R3HDML: variants seen among roughly 807,000 people sequenced by gnomAD.
R3HDML encodes the protein peptidase inhibitor R3HDML.
A neutral mutation model predicts 24.2 loss-of-function variants in R3HDML; 21 were observed. That is an observed-to-expected ratio of 0.87 (90% CI 0.62 to 1.25). The LOEUF is 1.25. Ranked by LOEUF, R3HDML falls within the 50% of genes most tolerant of loss-of-function variation. The pLI, the probability that R3HDML is intolerant of heterozygous loss-of-function variation, is 0.00. For synonymous variants in R3HDML, 133 were observed against 131.5 expected (o/e 1.01, Z -0.08); for missense variants, 301 against 340.3 (o/e 0.88, Z 0.91).
rs1568674746 is a variant in R3HDML at position 44,337,077 on chromosome 20, G to C, written c.-81G>C. On this transcript the variant is annotated 5_prime_UTR_variant, in exon 1 of 5. Transcript: ENST00000217043. The surrounding 1 kb of genome is among the most constrained non-coding windows in gnomAD (Gnocchi z 4.7). ...GTCGGCACTGTTGGAGAACGCTCAG[G>C]GTCTGGTGCTCTCGTGCCTGCCCCT... The C allele has an allele frequency of 6.6e-7, 1 of 1,514,450 alleles. No individual in the cohort carries two copies. The highest frequency in any genetic ancestry group is 8.9e-7 in the Non-Finnish European group (1 of 1,125,518). The allele number at this position is 1,514,450 out of a possible 1,614,324, so 93.8% of individuals were successfully genotyped here.
chr20:44,349,022 G>A (rs764188158), intron 4 of R3HDML, among the ~76,000 whole-genome samples: 5 of 151,982 alleles, frequency 3.3e-5, no homozygotes, highest in African/African-American at 1.2e-4. Flanking sequence ...ATGGAGGTGC[G>A]TCCCTGAGGC....
In R3HDML at chr20:44,350,676, G is replaced by A. The variant is rs746791288; in HGVS notation, c.646G>A (p.Glu216Lys). 27 of 1,613,436 alleles carry A rather than the reference G, an allele frequency of 1.7e-5. 1 individual carries two copies. The highest frequency in any genetic ancestry group is 1.3e-4 in the Admixed American group (8 of 59,836). ...CTCTTCCAGGGGCAACTGGATTGGC[G>A]AGTCCCCGTACAAGATGGGAAAGCC... is the stretch of plus-strand genomic sequence containing the variant. ...NYAIKGNWIG[E>K]SPYKMGKPCS... is the part of the protein sequence containing the mutation. The change falls in exon 5 of 5, where the codon GAG (glutamate) becomes AAG (lysine). Residue 216 changes from glutamate to lysine, a missense_variant. Glu to Lys is a moderately conservative substitution (Grantham distance 56). Coordinates refer to ENST00000217043, the MANE Select transcript of R3HDML (RefSeq NM_178491.4).
intron 4 of R3HDML, chr20:44,347,642 C>G (rs140301522): frequency 6.6e-5 from 10 of 152,156 alleles, no homozygotes; most frequent in African/African-American, 2.4e-4. Flanking sequence ...AGGGGGGAAC[C>G]CTAGGAGGAC....
chr20:44,351,046 AATTCGGTTCTCAGAG>A lies in R3HDML; in HGVS notation c.*256_*270del. ...GGGAAAGAGCCCTGCATCTTTCATT[AATTCGGTTCTCAGAG>A]AACCAAGGCTGGAAGGCATAGAACT... On this transcript the variant is annotated 3_prime_UTR_variant, in exon 5 of 5. Transcript: ENST00000217043. 2.5e-6 allele frequency: 1 copy of A among 402,504 alleles called. No individual in the cohort carries two copies. The highest frequency in any genetic ancestry group is 4.4e-6 in the Non-Finnish European group (1 of 226,482). 24.9% of individuals were successfully genotyped at this position (402,504 alleles called of 1,614,324 possible).
intron 4 of R3HDML, chr20:44,347,679 G>A (rs2146113944): frequency 6.6e-6 from 1 of 152,314 alleles, no homozygotes; most frequent in South Asian, 2.1e-4. Flanking sequence ...AAGAAATTGA[G>A]GCTCAGGCAG....
At position 44,337,464 on chromosome 20, in the gene R3HDML, G is replaced by A. The variant is rs2062761055; in HGVS notation, c.261+46G>A. On this transcript the variant is annotated intron_variant, in intron 1 of 4. Coordinates refer to ENST00000217043, the MANE Select transcript of R3HDML (RefSeq NM_178491.4). This position sits in a 1 kb window ranked among gnomAD's most constrained non-coding sequence, Gnocchi z 4.7. Reference sequence around the variant, plus strand: ...CCCACCCCCCGCAGTGTCCCTTCCGGCAAACGCAGCCGGACTCATCTTGGC... The same window carrying A: ...CCCACCCCCCGCAGTGTCCCTTCCGACAAACGCAGCCGGACTCATCTTGGC... 2 of 1,579,966 alleles carry A rather than the reference G, an allele frequency of 1.3e-6. No homozygotes were observed. Among genetic ancestry groups the A allele is most frequent in the African/African-American group, 1.3e-5 (1 of 74,392 alleles).
At chr20:44,339,527 A>C (rs916901333) in intron 1 of R3HDML, among the ~76,000 whole-genome samples, 1 of 152,086 alleles carries the variant, frequency 6.6e-6, no homozygotes, top group Non-Finnish European at 1.5e-5. Flanking sequence ...AATAATCACT[A>C]AGACAAAAGA....
intron 3 of R3HDML, among the ~76,000 whole-genome samples, chr20:44,343,886 T>C (rs1647588132): frequency 6.6e-6 from 1 of 151,964 alleles, no homozygotes; most frequent in South Asian, 2.1e-4. Context: ...GCTTGTAATC[T>C]CAGTAACTTG....
chr20:44,338,595 G>A (rs569226212), intron 1 of R3HDML, among the ~76,000 whole-genome samples: 27 of 152,280 alleles, frequency 1.8e-4, no homozygotes, highest in Admixed American at 1.1e-3. Flanking sequence ...CCCGTTGTGC[G>A]TGTGTGGCAC....
At chr20:44,341,110 G>A (rs1245251087) in intron 1 of R3HDML, 86 bp from the exon 2 acceptor site, 10 of 1,104,948 alleles carry the variant, frequency 9.1e-6, no homozygotes, top group African/African-American at 3.1e-5. Context: ...GGGTAGAAAC[G>A]GCACCAGGTA....
chr20:44,345,196 CA>C (rs2062782824), intron 3 of R3HDML, 66 bp from the exon 4 acceptor site: 1 of 1,283,444 alleles, frequency 7.8e-7, no homozygotes. Context: ...TGCAACTGTA[CA>C]ACCCCAGGGA....
intron 4 of R3HDML, among the ~76,000 whole-genome samples, chr20:44,347,257 C>T (rs1212393401): frequency 1.3e-5 from 2 of 150,362 alleles, no homozygotes; most frequent in African/African-American, 4.9e-5. Context: ...CTTGCTCTGT[C>T]GCCCAGGCTG....
At position 44,343,501 on chromosome 20, in the gene R3HDML, T is replaced by G; in HGVS notation, c.505T>G (p.Tyr169Asp). The G allele has an allele frequency of 6.2e-7, 1 of 1,606,048 alleles. No individual in the cohort carries two copies. The highest frequency in any genetic ancestry group is 8.5e-7 in the Non-Finnish European group (1 of 1,176,490). ...WRCDGPTCSH[Y>D]TQMVWASSNR... ...CTGCGATGGCCCCACCTGCTCCCAT[T>G]ATACCCAGGTACTCCTCCGTCAGGG... Residue 169 changes from tyrosine (Y) to aspartate (D), a missense_variant, in exon 3 of 5, where the codon TAT becomes GAT. By Grantham distance (160) the Tyr-to-Asp change is radical. Coordinates refer to ENST00000217043, the MANE Select transcript of R3HDML (RefSeq NM_178491.4).
rs769093664 is a variant in R3HDML, at chr20:44,343,384, T to A, written c.388T>A (p.Ser130Thr). 6.8e-6 allele frequency: 11 copies of A among 1,610,596 alleles called. No individual in the cohort carries two copies. In the South Asian group the frequency reaches 1.1e-4, roughly 16 times the overall value. The change falls in exon 3 of 5, where the codon TCC becomes ACC. Residue 130 changes from serine (S) to threonine (T), a missense_variant. Ser to Thr is a moderately conservative substitution (Grantham distance 58). Transcript: ENST00000217043. ...TGTCCCCCGCCTCCCCAGGTACCGGTCCGTAGTGGATCTCATGAAGTCCTG... is the reference window on the plus strand; with the variant it reads ...TGTCCCCCGCCTCCCCAGGTACCGGACCGTAGTGGATCTCATGAAGTCCTG... ...NLSIHSGQYRSVVDLMKSWSE... is the reference protein window; with the variant it reads ...NLSIHSGQYRTVVDLMKSWSE...
intron 2 of R3HDML, 35 bp downstream of exon 2, chr20:44,341,349 T>C: frequency 6.6e-7 from 1 of 1,507,574 alleles, no homozygotes; most frequent in South Asian, 1.1e-5. Flanking sequence ...CACTCAGTCA[T>C]TCAACAAATA....
chr20:44,345,306 C>T lies in R3HDML; in HGVS notation c.557C>T (p.Thr186Ile), dbSNP rs935977518. Residue 186 changes from threonine to isoleucine, a missense_variant, in exon 4 of 5, where the codon ACC becomes ATC. By Grantham distance (89) the Thr-to-Ile change is moderately conservative. Coordinates refer to ENST00000217043, the MANE Select transcript of R3HDML (RefSeq NM_178491.4). ...AATCGGCTGGGCTGTGCCATCCACA[C>T]CTGTAGTAGCATCAGTGTCTGGGGC... ...SSNRLGCAIH[T>I]CSSISVWGNT... 6.2e-7 allele frequency: 1 copy of T among 1,614,164 alleles called. No individual in the cohort carries two copies. The highest frequency in any genetic ancestry group is 8.5e-7 in the Non-Finnish European group (1 of 1,180,018).
chr20:44,338,571 A>G (rs1374968633), intron 1 of R3HDML, among the ~76,000 whole-genome samples: 1 of 152,122 alleles, frequency 6.6e-6, no homozygotes, highest in Non-Finnish European at 1.5e-5. Flanking sequence ...AACAAATGGC[A>G]CATTTATTGA....
chr20:44,342,727 G>A (rs955073628), intron 2 of R3HDML, among the ~76,000 whole-genome samples: 4 of 152,072 alleles, frequency 2.6e-5, no homozygotes, highest in East Asian at 1.9e-4. Flanking sequence ...AGAAGCGAGC[G>A]GATCACCTAA....
At chr20:44,339,959 A>T (rs1344662820) in intron 1 of R3HDML, among the ~76,000 whole-genome samples, 1 of 151,308 alleles carries the variant, frequency 6.6e-6, no homozygotes, top group African/African-American at 2.4e-5. Flanking sequence ...TTGTATTATC[A>T]TTATTATTTT....
Sources: allele counts gnomAD v4.1 joint callset (sites outside exome capture counted in the v4.1 genomes callset), GRCh38; gene constraint gnomAD v4.1.1; non-coding constraint Gnocchi (gnomAD v3.1); transcripts MANE v1.5; gene names NCBI Gene and HGNC (gene_info 2026-07-23, HGNC 2026-07-21).